MUC17: variants seen among roughly 807,000 people sequenced by gnomAD.
MUC17 encodes mucin-17.
A neutral mutation model predicts 170.3 loss-of-function variants in MUC17; 190 were observed. That is an observed-to-expected ratio of 1.12 (90% CI 0.99 to 1.26). The LOEUF (loss-of-function observed/expected upper bound fraction) is 1.26. MUC17 is among the 50% of genes most tolerant of loss of function. MUC17 has a pLI of 0.00. For synonymous variants in MUC17, 2,325 were observed against 2,002.5 expected (o/e 1.16, Z -4.30); for missense variants, 6,415 against 5,530.0 (o/e 1.16, Z -5.08).
In MUC17 at chr7:101,043,646, C is replaced by A. The variant is rs375930672; in HGVS notation, c.12230C>A (p.Thr4077Asn). The A allele has an allele frequency of 1.2e-6, 2 of 1,614,186 alleles. No individual in the cohort carries two copies. The highest frequency in any genetic ancestry group is 3.3e-5 in the Admixed American group (2 of 60,024). Residue 4077 changes from threonine to asparagine, a missense_variant, in exon 3 of 13, where the codon ACC becomes AAC. Coordinates refer to ENST00000306151, the MANE Select transcript of MUC17 (RefSeq NM_001040105.2). ...GCTCACTCCAGTACACCTCCAACAA[C>A]CTCTGCCTCCTCCACGACTGTGAAC... The part of the protein sequence containing the change: ...PPAHSSTPPT[T>N]SASSTTVNPE...
chr7:101,040,931 G>A lies in MUC17; in HGVS notation c.9515G>A (p.Ser3172Asn). ...GSTPLTYMPV[S>N]TMLVVSSEDS... is the part of the protein sequence containing the mutation. ...ACTCCATTAACATATATGCCTGTCA[G>A]CACCATGCTGGTAGTCAGTTCTGAG... Residue 3172 changes from serine to asparagine, a missense_variant, in exon 3 of 13, where the codon AGC becomes AAC. Transcript: ENST00000306151. The A allele has an allele frequency of 6.2e-7, 1 of 1,613,426 alleles. No homozygotes were observed. The highest frequency in any genetic ancestry group is 8.5e-7 in the Non-Finnish European group (1 of 1,179,920).
Position 101,038,392 on chromosome 7 carries a change from A to G in MUC17, c.6976A>G (p.Thr2326Ala). 1.2e-6 allele frequency: 2 copies of G among 1,614,096 alleles called. No individual in the cohort carries two copies. The highest frequency in any genetic ancestry group is 1.3e-5 in the African/African-American group (1 of 75,016). ...ASSPPPTAEG[T>A]SMPTSTSSEG... is the part of the protein sequence containing the mutation. ...TTCACCTCCTCCCACTGCTGAAGGTACCAGCATGCCAACCTCAACTTCTAG... is the reference window on the plus strand; with the variant it reads ...TTCACCTCCTCCCACTGCTGAAGGTGCCAGCATGCCAACCTCAACTTCTAG... The change falls in exon 3 of 13, where the codon ACC (threonine) becomes GCC (alanine). Residue 2326 changes from threonine to alanine, a missense_variant. Coordinates refer to ENST00000306151, the MANE Select transcript of MUC17 (RefSeq NM_001040105.2).
chr7:101,042,906 T>G lies in MUC17; in HGVS notation c.11490T>G (p.Ser3830=). 1 of 1,614,164 alleles carries G rather than the reference T, an allele frequency of 6.2e-7. No individual in the cohort carries two copies. Among genetic ancestry groups the G allele is most frequent in the Non-Finnish European group, 8.5e-7 (1 of 1,180,036 alleles). Reference sequence around the variant, plus strand: ...GCCCTATATCTGTGATGAGTCCTTCTGAGGCCAGCACACTTTCAACACCTC... The same window carrying G: ...GCCCTATATCTGTGATGAGTCCTTCGGAGGCCAGCACACTTTCAACACCTC... ...LISPISVMSP[S]EASTLSTPPG... is the part of the protein sequence containing the mutation. The change falls in exon 3 of 13, where the codon TCT becomes TCG. Residue 3830 remains serine, a synonymous_variant. Coordinates refer to ENST00000306151, the MANE Select transcript of MUC17 (RefSeq NM_001040105.2).
At chr7:101,055,398 G>T (rs959192927) in intron 11 of MUC17, among the ~76,000 whole-genome samples, 3 of 152,092 alleles carry the variant, frequency 2.0e-5, no homozygotes, top group African/African-American at 7.2e-5. Context: ...TGTACTCATT[G>T]CAGGCACATA....
chr7:101,055,799 C>T (rs1056583615), intron 11 of MUC17, among the ~76,000 whole-genome samples: 10 of 151,976 alleles, frequency 6.6e-5, no homozygotes, highest in East Asian at 1.9e-4. Flanking sequence ...TTAAATCAGA[C>T]GATATTATCT....
intron 3 of MUC17, among the ~76,000 whole-genome samples, chr7:101,046,865 G>A (rs527718211): frequency 3.9e-5 from 6 of 151,978 alleles, no homozygotes; most frequent in Non-Finnish European, 8.8e-5. Context: ...GGATCACAAG[G>A]TCAGGAGATC....
intron 1 of MUC17, among the ~76,000 whole-genome samples, chr7:101,025,784 A>ATC: frequency 6.9e-6 from 1 of 144,332 alleles, no homozygotes; most frequent in South Asian, 2.2e-4. Context: ...ACAGAGCGAG[A>ATC]TCTCTCTCTC....
At position 101,049,392 on chromosome 7, in the gene MUC17, T is replaced by G; in HGVS notation, c.12722+10T>G. The G allele has an allele frequency of 6.2e-7, 1 of 1,610,018 alleles. No individual in the cohort carries two copies. Among genetic ancestry groups the G allele is most frequent in the Non-Finnish European group, 8.5e-7 (1 of 1,177,998 alleles). ...ACATCACAAAGCTACGGTAAGTGTC[T>G]GGGCCCTTGGGAAGAGGGTCTGTGG... is the stretch of plus-strand genomic sequence containing the variant. On this transcript the variant is annotated intron_variant, in intron 6 of 12. Coordinates refer to ENST00000306151, the MANE Select transcript of MUC17 (RefSeq NM_001040105.2).
rs1260040621 is a variant in MUC17, at chr7:101,032,357, C to T, written c.941C>T (p.Ser314Leu). 2 of 1,613,798 alleles carry T rather than the reference C, an allele frequency of 1.2e-6. No homozygotes were observed. The highest frequency in any genetic ancestry group is 1.7e-6 in the Non-Finnish European group (2 of 1,179,948). The change falls in exon 3 of 13, where the codon TCA (serine) becomes TTA (leucine). Residue 314 changes from serine to leucine, a missense_variant. Transcript: ENST00000306151. ...IPVITSTEAS[S>L]SPTTAEGTSI... ...GTGATCACTTCTACTGAAGCCAGTT[C>T]ATCTCCTACAACGGCTGAAGGCACC...
At chr7:101,026,249 G>T (rs1489970696) in intron 1 of MUC17, among the ~76,000 whole-genome samples, 1 of 152,234 alleles carries the variant, frequency 6.6e-6, no homozygotes, top group African/African-American at 2.4e-5. Flanking sequence ...GGATTTACCT[G>T]CAGGGGCCAG....
Position 101,049,328 on chromosome 7 carries a change from A to G in MUC17, c.12668A>G (p.Asn4223Ser). 6.2e-7 allele frequency: 1 copy of G among 1,614,124 alleles called. No homozygotes were observed. The highest frequency in any genetic ancestry group is 8.5e-7 in the Non-Finnish European group (1 of 1,180,004). Reference sequence around the variant, plus strand: ...CAGTGGCCCCTTGCCTTTCAGATGAATATTGTGTATTCCGGGATCCCTGAG... The same window carrying G: ...CAGTGGCCCCTTGCCTTTCAGATGAGTATTGTGTATTCCGGGATCCCTGAG... ...EFKQTFTEQM[N>S]IVYSGIPEYV... The change falls in exon 6 of 13, where the codon AAT becomes AGT. Residue 4223 changes from asparagine to serine, a missense_variant. Physicochemically the swap from Asn to Ser is conservative, Grantham distance 46. Transcript: ENST00000306151.
At chr7:101,053,793 T>A (rs1012966937) in intron 11 of MUC17, among the ~76,000 whole-genome samples, 2 of 149,518 alleles carry the variant, frequency 1.3e-5, no homozygotes, top group Non-Finnish European at 3.0e-5. Context: ...GGCAGGAGAA[T>A]CACTTGAACC....
Position 101,036,113 on chromosome 7 carries a change from C to A in MUC17, c.4697C>A (p.Ser1566Ter). The A allele has an allele frequency of 6.2e-7, 1 of 1,612,184 alleles. No homozygotes were observed. The highest frequency in any genetic ancestry group is 8.5e-7 in the Non-Finnish European group (1 of 1,178,632). Residue 1566 changes from serine to a stop codon, truncating the protein, a stop_gained, in exon 3 of 13, where the codon TCA becomes TAA. Transcript: ENST00000306151. LOFTEE classifies it high-confidence loss of function. Reference sequence around the variant, plus strand: ...GCTGACGGTACCAGCATGCAAACCTCAACTTATAGTGAAGGAAGCACTCCA... The same window carrying A: ...GCTGACGGTACCAGCATGCAAACCTAAACTTATAGTGAAGGAAGCACTCCA... The part of the protein sequence containing the change: ...TTADGTSMQT[S>*]TYSEGSTPLT...
chr7:101,050,553 A>C lies in MUC17; in HGVS notation c.12792A>C (p.Val4264=). ...RTKYTPEYKT[V]LDNATEVVKE... is the part of the protein sequence containing the mutation. ...AGTACACACCAGAATACAAGACAGT[A>C]TTGGACAATGCCACCGAAGTAGTGA... Residue 4264 remains valine, a synonymous_variant, in exon 7 of 13, where the codon GTA becomes GTC. Coordinates refer to ENST00000306151, the MANE Select transcript of MUC17 (RefSeq NM_001040105.2). 6.2e-7 allele frequency: 1 copy of C among 1,614,230 alleles called. No homozygotes were observed. Among genetic ancestry groups the C allele is most frequent in the Non-Finnish European group, 8.5e-7 (1 of 1,180,034 alleles).
At chr7:101,020,314 A>G in intron 1 of MUC17, 97 bp downstream of exon 1, 1 of 1,018,580 alleles carries the variant, frequency 9.8e-7, no homozygotes, top group Non-Finnish European at 1.4e-6. Context: ...CCTCCAGGAC[A>G]CCAATAGGGG....
rs769432892 is a variant in MUC17 at position 101,039,334 on chromosome 7, G to A, written c.7918G>A (p.Val2640Ile). 2.2e-5 allele frequency: 35 copies of A among 1,613,056 alleles called. No homozygotes were observed. The highest frequency in any genetic ancestry group is 1.6e-4 in the Middle Eastern group (1 of 6,082). Reference sequence around the variant, plus strand: ...AAGTACTTCATTAACAAGTATACTTGTCAGCACCATGCCAGTGGCCAGTTC... The same window carrying A: ...AAGTACTTCATTAACAAGTATACTTATCAGCACCATGCCAGTGGCCAGTTC... ...EVSTSLTSIL[V>I]STMPVASSEA... Residue 2640 changes from valine (V) to isoleucine (I), a missense_variant, in exon 3 of 13, where the codon GTC becomes ATC. Physicochemically the swap from Val to Ile is conservative, Grantham distance 29. Transcript: ENST00000306151.
At chr7:101,055,241 TA>T (rs1233511848) in intron 11 of MUC17, among the ~76,000 whole-genome samples, 1 of 151,866 alleles carries the variant, frequency 6.6e-6, no homozygotes, top group East Asian at 1.9e-4. Flanking sequence ...AACTCTAGTT[TA>T]AAAAGGATTT....
At chr7:101,054,713 A>G (rs1214459162) in intron 11 of MUC17, among the ~76,000 whole-genome samples, 1 of 152,126 alleles carries the variant, frequency 6.6e-6, no homozygotes, top group African/African-American at 2.4e-5. Context: ...CTAGCTATTC[A>G]GGAGGCTGAG....
At chr7:101,027,015 CTATTT>C (rs368937310) in intron 1 of MUC17, among the ~76,000 whole-genome samples, 66 of 152,174 alleles carry the variant, frequency 4.3e-4, no homozygotes, top group Middle Eastern at 3.4e-3. Flanking sequence ...CATGCCTGGC[CTATTT>C]TATTTTTTCA....
Sources: allele counts gnomAD v4.1 joint callset (sites outside exome capture counted in the v4.1 genomes callset), GRCh38; gene constraint gnomAD v4.1.1; transcripts MANE v1.5; gene names NCBI Gene and HGNC (gene_info 2026-07-23, HGNC 2026-07-21).